The following TMEM30A variants were observed in gnomAD, a reference collection of about 807,000 sequenced individuals.
TMEM30A encodes cell cycle control protein 50A.
TMEM30A carries 24 observed loss-of-function variants against 38.2 expected under a neutral mutation model. That is an observed-to-expected ratio of 0.63 (90% CI 0.46 to 0.88). The LOEUF is 0.88. Ranked by LOEUF, TMEM30A falls within the 40% of genes least tolerant of loss-of-function variation. The pLI is 0.00. For synonymous variants in TMEM30A, 145 were observed against 161.6 expected (o/e 0.90, Z 0.78); for missense variants, 370 against 458.6 (o/e 0.81, Z 1.77).
At chr6:75,276,916 G>T (rs1772270107) in intron 1 of TMEM30A, among the ~76,000 whole-genome samples, 1 of 151,974 alleles carries the variant, frequency 6.6e-6, no homozygotes, top group Non-Finnish European at 1.5e-5. Flanking sequence ...CAGGACCTAT[G>T]CTCTTACTAT....
In TMEM30A at chr6:75,258,658, C is replaced by T. The variant is rs183442676; in HGVS notation, c.892+122G>A. The T allele has an allele frequency of 2.5e-4, 199 of 802,320 alleles. 1 individual carries two copies. The East Asian group carries it at 4.9e-3, about 20-fold the overall frequency. The allele number at this position is 802,320 out of a possible 1,614,324, so 49.7% of individuals were successfully genotyped here. ...TACATTCTCACATATACCACACATACTTTTGTAAAAATGCAGAGACCAAAA... is the reference window on the plus strand; with the variant it reads ...TACATTCTCACATATACCACACATATTTTTGTAAAAATGCAGAGACCAAAA... On this transcript the variant is annotated intron_variant, in intron 6 of 6. Transcript: ENST00000230461.
intron 1 of TMEM30A, among the ~76,000 whole-genome samples, chr6:75,268,733 T>C (rs917678823): frequency 6.6e-6 from 1 of 152,186 alleles, no homozygotes; most frequent in Non-Finnish European, 1.5e-5. Context: ...GGAAATCTTA[T>C]GGCGAGGTAG....
chr6:75,255,186 C>T lies in TMEM30A; in HGVS notation c.*916G>A, dbSNP rs1279741504. On this transcript the variant is annotated 3_prime_UTR_variant, in exon 7 of 7. Transcript: ENST00000230461. The stretch of plus-strand genomic sequence containing the variant: ...CACTTACCTGCAGAATAAAAACAGC[C>T]TGAGTATTTCCAAAGCTGAAGTAAT... The T allele has an allele frequency of 6.6e-6, 1 of 152,492 alleles. No individual in the cohort carries two copies. Among genetic ancestry groups the T allele is most frequent in the Admixed American group, 6.6e-5 (1 of 15,256 alleles). The allele number at this position is 152,492 out of a possible 1,614,324, so 9.4% of individuals were successfully genotyped here.
Position 75,260,700 on chromosome 6 carries a change from C to A in TMEM30A, c.541+124G>T, listed in dbSNP as rs151038723. ...AATCATTATAATACCCCATTCAATA[C>A]TCGATTTAGTCTTAAATGTTTGAGT... is the stretch of plus-strand genomic sequence containing the variant. On this transcript the variant is annotated intron_variant, in intron 4 of 6. Coordinates refer to ENST00000230461, the MANE Select transcript of TMEM30A (RefSeq NM_018247.4). 2.6e-3 allele frequency: 1,305 copies of A among 508,594 alleles called. 14 individuals are homozygous for A. Among genetic ancestry groups the A allele is most frequent in the African/African-American group, 0.023 (1,170 of 50,690 alleles). 31.5% of individuals were successfully genotyped at this position (508,594 alleles called of 1,614,324 possible).
chr6:75,284,672 T>G lies in TMEM30A; in HGVS notation c.-34A>C, dbSNP rs751549073. ...GGGGCGCCGCTCCGCGATTTGCAGG[T>G]GGACCACCCAGGGGGCCCGCCGGCT... On this transcript the variant is annotated 5_prime_UTR_variant, in exon 1 of 7. Coordinates refer to ENST00000230461, the MANE Select transcript of TMEM30A (RefSeq NM_018247.4). 1.2e-6 allele frequency: 2 copies of G among 1,605,874 alleles called. No individual in the cohort carries two copies. The highest frequency in any genetic ancestry group is 2.2e-5 in the East Asian group (1 of 44,810).
intron 1 of TMEM30A, chr6:75,284,148 TTCATTCCGTCTCAGC>T: frequency 1.9e-6 from 1 of 534,880 alleles, no homozygotes; most frequent in African/African-American, 1.9e-5. Flanking sequence ...GCATTAAACA[TTCATTCCGTCTCAGC>T]TCATTCCGTG....
rs60648187 is a variant in TMEM30A, at chr6:75,284,275, AG to A, written c.237+126del. The A allele has an allele frequency of 6.4e-3, 5,391 of 837,296 alleles. 180 individuals carry two copies. The African/African-American group carries it at 0.078, about 12-fold the overall frequency. 51.9% of individuals were successfully genotyped at this position (837,296 alleles called of 1,614,324 possible). A position where few individuals can be genotyped will look rare whatever the true frequency, so the allele number is the denominator to read the frequency against. On this transcript the variant is annotated intron_variant, in intron 1 of 6. Coordinates refer to ENST00000230461, the MANE Select transcript of TMEM30A (RefSeq NM_018247.4). ...AAGAAAAAACAGAGAAACAGAGGGAAGGGGGTGGTGGACGGCGCGAGGTCAG... is the reference window on the plus strand; with the variant it reads ...AAGAAAAAACAGAGAAACAGAGGGAAGGGGTGGTGGACGGCGCGAGGTCAG...
intron 1 of TMEM30A, 33 bp downstream of exon 1, chr6:75,284,369 A>G (rs778931413): frequency 3.1e-6 from 5 of 1,603,408 alleles, no homozygotes. Context: ...CTCCCGAGCA[A>G]CGCCAACTCC....
At chr6:75,265,625 A>C (rs1433210615) in intron 2 of TMEM30A, among the ~76,000 whole-genome samples, 5 of 152,214 alleles carry the variant, frequency 3.3e-5, no homozygotes, top group Non-Finnish European at 7.3e-5. Flanking sequence ...CTATTAGCCT[A>C]CTCTGAGCTA....
chr6:75,271,768 A>AT (rs1214294370), intron 1 of TMEM30A, among the ~76,000 whole-genome samples: 1 of 152,028 alleles, frequency 6.6e-6, no homozygotes, highest in Admixed American at 6.6e-5. Context: ...CTACTAAACC[A>AT]TTTTTTCCCC....
Position 75,253,605 on chromosome 6 carries a change from T to C in TMEM30A, c.*2497A>G, listed in dbSNP as rs894005985. ...GTTATTTTATCAAGACACCTGAACA[T>C]AGCAAAATTAATTTTGTTCATTTTT... On this transcript the variant is annotated 3_prime_UTR_variant, in exon 7 of 7. Transcript: ENST00000230461. 8 of 152,580 alleles carry C rather than the reference T, an allele frequency of 5.2e-5. No homozygotes were observed. The highest frequency in any genetic ancestry group is 1.4e-4 in the African/African-American group (6 of 41,444). The allele number at this position is 152,580 out of a possible 1,614,324, so 9.5% of individuals were successfully genotyped here. A position where few individuals can be genotyped will look rare whatever the true frequency, so the allele number is the denominator to read the frequency against.
At chr6:75,256,775 A>G (rs772332058) in intron 6 of TMEM30A, 51 of 483,412 alleles carry the variant, frequency 1.1e-4, no homozygotes, top group Non-Finnish European at 1.9e-4. Flanking sequence ...ATCAAAAAGC[A>G]TGGTAATAAA....
chr6:75,266,598 T>C (rs997535542), intron 2 of TMEM30A, among the ~76,000 whole-genome samples: 26 of 152,222 alleles, frequency 1.7e-4, no homozygotes, highest in African/African-American at 5.8e-4. Context: ...TGAGGTTGAC[T>C]GCCTTTGCAA....
rs905451644 is a variant in TMEM30A, at chr6:75,255,917, A to G, written c.*185T>C. ...TATGATCAATATAGCTAATTTTTTT[A>G]TACCCGTCATATATTTTTAGAAGTC... On this transcript the variant is annotated 3_prime_UTR_variant, in exon 7 of 7. Coordinates refer to ENST00000230461, the MANE Select transcript of TMEM30A (RefSeq NM_018247.4). 103 of 504,362 alleles carry G rather than the reference A, an allele frequency of 2.0e-4. No homozygotes were observed. The highest frequency in any genetic ancestry group is 1.8e-3 in the African/African-American group (93 of 51,802). 31.2% of individuals were successfully genotyped at this position (504,362 alleles called of 1,614,324 possible).
chr6:75,274,848 A>AC (rs1390562828), intron 1 of TMEM30A, among the ~76,000 whole-genome samples: 5 of 152,098 alleles, frequency 3.3e-5, no homozygotes, highest in Non-Finnish European at 7.4e-5. Context: ...CGTCTCTACT[A>AC]AAAATACAAA....
In TMEM30A at chr6:75,284,391, C is replaced by T. The variant is rs1377779934; in HGVS notation, c.237+11G>A. The T allele has an allele frequency of 6.2e-7, 1 of 1,613,162 alleles. No homozygotes were observed. The highest frequency in any genetic ancestry group is 8.5e-7 in the Non-Finnish European group (1 of 1,179,276). ...GCAACGCCAACTCCCACCACAGCTCCCTCCCCTCACCTCGATCTCGCGGAT... is the reference window on the plus strand; with the variant it reads ...GCAACGCCAACTCCCACCACAGCTCTCTCCCCTCACCTCGATCTCGCGGAT... On this transcript the variant is annotated intron_variant, in intron 1 of 6. Transcript: ENST00000230461.
At chr6:75,259,929 T>C (rs1162564917) in intron 4 of TMEM30A, among the ~76,000 whole-genome samples, 1 of 152,158 alleles carries the variant, frequency 6.6e-6, no homozygotes, top group Admixed American at 6.6e-5. Context: ...GTTCTATAAG[T>C]GTACAATACA....
Position 75,258,842 on chromosome 6 carries a change from T to C in TMEM30A, c.830A>G (p.Glu277Gly). 6.2e-7 allele frequency: 1 copy of C among 1,614,018 alleles called. No individual in the cohort carries two copies. ...TGTTGGATGTAAATCACTTTTCCTT[T>C]CTATAAGACGATACAACTTGCGAAA... ...PTFRKLYRLI[E>G]RKSDLHPTLP... The change falls in exon 6 of 7, where the codon GAA becomes GGA. Residue 277 changes from glutamate to glycine, a missense_variant. Glu to Gly is a moderately conservative substitution (Grantham distance 98). Transcript: ENST00000230461.
chr6:75,284,106 T>A, intron 1 of TMEM30A: 8 of 352,978 alleles, frequency 2.3e-5, no homozygotes, highest in Admixed American at 4.4e-5. Context: ...AACCGCCCAC[T>A]GAAGAAGCGT....
Sources: gnomAD v4.1 joint callset for allele counts (sites outside exome capture counted in the v4.1 genomes callset) on GRCh38, gnomAD v4.1.1 for gene constraint, MANE v1.5 for transcripts, NCBI Gene and HGNC (gene_info 2026-07-23, HGNC 2026-07-21) for gene names.